Variants in MR1 observed in about 807,000 individuals in gnomAD.
The protein encoded by MR1 is major histocompatibility complex class I-related protein 1.
A neutral mutation model predicts 37.8 loss-of-function variants in MR1; 44 were observed. The ratio of observed to expected loss-of-function variants is 1.16; its 90% confidence interval spans 0.91 to 1.50. MR1 has a LOEUF of 1.50. Among genes scored for constraint, MR1 ranks in the 40% most tolerant of loss-of-function variants. MR1 has a pLI of 0.00. For missense variants in MR1, 386 were observed against 419.1 expected (o/e 0.92, Z 0.69); for synonymous variants, 153 against 155.8 (o/e 0.98, Z 0.13).
Position 181,055,572 on chromosome 1 carries a change from T to A in MR1, c.*307T>A. Reference sequence around the variant, plus strand: ...TTGTCAATGATGATTTGCAACTAGTTGGAGATTCTCAGAGCAGGAAGGAAT... The same window carrying A: ...TTGTCAATGATGATTTGCAACTAGTAGGAGATTCTCAGAGCAGGAAGGAAT... On this transcript the variant is annotated 3_prime_UTR_variant, in exon 6 of 6. Coordinates refer to ENST00000367580, the MANE Select transcript of MR1 (RefSeq NM_001385161.1). The A allele has an allele frequency of 2.5e-6, 1 of 397,038 alleles. No individual in the cohort carries two copies. Among genetic ancestry groups the A allele is most frequent in the Non-Finnish European group, 4.5e-6 (1 of 224,378 alleles). The allele number at this position is 397,038 out of a possible 1,614,324, so 24.6% of individuals were successfully genotyped here. A position where few individuals can be genotyped will look rare whatever the true frequency, so the allele number is the denominator to read the frequency against.
In MR1 at chr1:181,050,109, A is replaced by G. The variant is rs374009364; in HGVS notation, c.427A>G (p.Ile143Val). ...TGCATATGACGGGCAGGATTTCCTGATCTTCAATAAAGACACCCTCTCCTG... is the reference window on the plus strand; with the variant it reads ...TGCATATGACGGGCAGGATTTCCTGGTCTTCAATAAAGACACCCTCTCCTG... Reference protein sequence around the residue: ...QYAYDGQDFLIFNKDTLSWLA... With the variant: ...QYAYDGQDFLVFNKDTLSWLA... The change falls in exon 3 of 6, where the codon ATC (isoleucine) becomes GTC (valine). Residue 143 changes from isoleucine (I) to valine (V), a missense_variant. By Grantham distance (29) the Ile-to-Val change is conservative. Coordinates refer to ENST00000367580, the MANE Select transcript of MR1 (RefSeq NM_001385161.1). The G allele has an allele frequency of 2.0e-5, 32 of 1,614,224 alleles. No homozygotes were observed. Among genetic ancestry groups the G allele is most frequent in the Non-Finnish European group, 2.7e-5 (32 of 1,180,046 alleles).
Position 181,061,342 on chromosome 1 carries a change from T to G in MR1, c.*6077T>G, listed in dbSNP as rs1277037052. On this transcript the variant is annotated 3_prime_UTR_variant, in exon 6 of 6. Transcript: ENST00000367580. ...GCCAGCCCAGGCCAGGTCACCCGGCTTGGCCAGCAGAACACAGAGTAGATT... is the reference window on the plus strand; with the variant it reads ...GCCAGCCCAGGCCAGGTCACCCGGCGTGGCCAGCAGAACACAGAGTAGATT... The G allele has an allele frequency of 6.6e-6, 1 of 152,242 alleles. No homozygotes were observed. The highest frequency in any genetic ancestry group is 2.4e-5 in the African/African-American group (1 of 41,464). 9.4% of individuals were successfully genotyped at this position (152,242 alleles called of 1,614,324 possible).
At chr1:181,039,281 A>C (rs1299431600) in intron 1 of MR1, among the ~76,000 whole-genome samples, 2 of 152,214 alleles carry the variant, frequency 1.3e-5, no homozygotes, top group African/African-American at 4.8e-5. Flanking sequence ...GCTGCCCTTT[A>C]TGCCTCATTG....
At position 181,055,764 on chromosome 1, in the gene MR1, C is replaced by T. The variant is rs1658579751; in HGVS notation, c.*499C>T. On this transcript the variant is annotated 3_prime_UTR_variant, in exon 6 of 6. Coordinates refer to ENST00000367580, the MANE Select transcript of MR1 (RefSeq NM_001385161.1). ...CAAGCGCTTTGAATATCATGGGCACCATGACTGTGACCCTACAGGTAGGAT... is the reference window on the plus strand; with the variant it reads ...CAAGCGCTTTGAATATCATGGGCACTATGACTGTGACCCTACAGGTAGGAT... 1 of 161,180 alleles carries T rather than the reference C, an allele frequency of 6.2e-6. No homozygotes were observed. Among genetic ancestry groups the T allele is most frequent in the Admixed American group, 5.9e-5 (1 of 17,000 alleles). The allele number at this position is 161,180 out of a possible 1,614,324, so 10.0% of individuals were successfully genotyped here.
In MR1 at chr1:181,053,720, C is replaced by G. The variant is rs775783960; in HGVS notation, c.985+43C>G. 1.1e-5 allele frequency: 15 copies of G among 1,347,946 alleles called. 1 individual carries two copies. In the South Asian group the frequency reaches 1.7e-4, roughly 15 times the overall value. The allele number at this position is 1,347,946 out of a possible 1,614,324, so 83.5% of individuals were successfully genotyped here. On this transcript the variant is annotated intron_variant, in intron 5 of 5. Transcript: ENST00000367580. ...GGGATCCAGGGGGCTGCAGACTCTCCTGCATCTCTCCAGTTTTATTTTCTG... is the reference window on the plus strand; with the variant it reads ...GGGATCCAGGGGGCTGCAGACTCTCGTGCATCTCTCCAGTTTTATTTTCTG...
intron 1 of MR1, among the ~76,000 whole-genome samples, chr1:181,048,716 G>T (rs1260907070): frequency 6.6e-6 from 1 of 152,112 alleles, no homozygotes; most frequent in Non-Finnish European, 1.5e-5. Flanking sequence ...CGCAGGGACA[G>T]CTCCCCCTGT....
chr1:181,047,054 C>T (rs1657922592), intron 1 of MR1, among the ~76,000 whole-genome samples: 1 of 152,142 alleles, frequency 6.6e-6, no homozygotes. Flanking sequence ...CACCAAGAAC[C>T]CACCAATTGC....
chr1:181,042,531 G>A (rs1361491252), intron 1 of MR1, among the ~76,000 whole-genome samples: 1 of 148,538 alleles, frequency 6.7e-6, no homozygotes, highest in Non-Finnish European at 1.5e-5. Context: ...GCCAGGTGCG[G>A]TGGCTCACGC....
At chr1:181,054,403 A>T (rs1229845909) in intron 5 of MR1, among the ~76,000 whole-genome samples, 1 of 152,204 alleles carries the variant, frequency 6.6e-6, no homozygotes, top group Non-Finnish European at 1.5e-5. Flanking sequence ...GCTCAAATTG[A>T]TCACAGGATA....
intron 2 of MR1, 181 bp downstream of exon 2, chr1:181,049,493 C>T (rs2102393521): frequency 1.4e-6 from 1 of 699,458 alleles, no homozygotes; most frequent in Non-Finnish European, 2.3e-6. Context: ...GACTGTCCCT[C>T]TCTCCCCCAG....
Position 181,035,592 on chromosome 1 carries a change from A to G in MR1, c.67+1518A>G, listed in dbSNP as rs146777935. Among the ~76,000 whole-genome samples the G allele has an allele frequency of 7.0e-3, 1,066 of 152,302 alleles. 17 individuals carry two copies. Among genetic ancestry groups the G allele is most frequent in the African/African-American group, 0.024 (1,016 of 41,564 alleles). ...AAAGCTTATATATTACCTGCATGTG[A>G]TTCTCAAAGAACTCTCCAATAATAT... On this transcript the variant is annotated intron_variant, in intron 1 of 5. Coordinates refer to ENST00000367580, the MANE Select transcript of MR1 (RefSeq NM_001385161.1).
chr1:181,048,820 T>C lies in MR1; in HGVS notation c.68-232T>C, dbSNP rs183303240. On this transcript the variant is annotated intron_variant, in intron 1 of 5. Coordinates refer to ENST00000367580, the MANE Select transcript of MR1 (RefSeq NM_001385161.1). ...TGAGATTACCTATAAAATTCCATCC[T>C]GCATTTGCAAACCTGAACGAGAAAG... Among the ~76,000 whole-genome samples, 28 of 152,348 alleles carry C rather than the reference T, an allele frequency of 1.8e-4. No homozygotes were observed. In the East Asian group the frequency reaches 5.4e-3, roughly 29 times the overall value.
intron 1 of MR1, among the ~76,000 whole-genome samples, chr1:181,037,498 G>C (rs184160317): frequency 7.1e-4 from 108 of 152,160 alleles, no homozygotes; most frequent in African/African-American, 2.5e-3. Context: ...TTTTTCTTTT[G>C]ACTAGTTGAA....
At chr1:181,043,336 T>C (rs10159443) in intron 1 of MR1, among the ~76,000 whole-genome samples, 45,067 of 152,062 alleles carry the variant, frequency 0.3, 7,652 homozygotes, top group African/African-American at 0.47. Context: ...ATAACACCTG[T>C]GAGGGAGGAG....
chr1:181,056,150 G>C lies in MR1; in HGVS notation c.*885G>C, dbSNP rs1217602490. ...AGCAGCCAAGGCGGGCGGATCACGA[G>C]GTCAGGAGATTAAGACCATCCTGGC... On this transcript the variant is annotated 3_prime_UTR_variant, in exon 6 of 6. Coordinates refer to ENST00000367580, the MANE Select transcript of MR1 (RefSeq NM_001385161.1). 6.6e-6 allele frequency: 1 copy of C among 152,092 alleles called. No homozygotes were observed. The highest frequency in any genetic ancestry group is 1.5e-5 in the Non-Finnish European group (1 of 68,060). The allele number at this position is 152,092 out of a possible 1,614,324, so 9.4% of individuals were successfully genotyped here. A position where few individuals can be genotyped will look rare whatever the true frequency, so the allele number is the denominator to read the frequency against.
At chr1:181,050,403 A>G (rs1658244894) in intron 3 of MR1, 117 bp downstream of exon 3, 10 of 1,333,970 alleles carry the variant, frequency 7.5e-6, no homozygotes, top group Non-Finnish European at 1.0e-5. Flanking sequence ...TAGTTGGCCT[A>G]TTGTGATCTC....
At chr1:181,049,623 G>A (rs1184611069) in intron 2 of MR1, 19 of 494,606 alleles carry the variant, frequency 3.8e-5, no homozygotes, top group South Asian at 1.9e-4. Flanking sequence ...CCCATTCTGC[G>A]TCTCACTTCC....
In MR1 at chr1:181,050,169, C is replaced by A. The variant is rs761425250; in HGVS notation, c.487C>A (p.Gln163Lys). The stretch of plus-strand genomic sequence containing the variant: ...AGATAATGTGGCTCACACCATCAAG[C>A]AGGCATGGGAGGCCAATCAGCATGA... ...AVDNVAHTIK[Q>K]AWEANQHELL... Residue 163 changes from glutamine (Q) to lysine (K), a missense_variant, in exon 3 of 6, where the codon CAG (glutamine) becomes AAG (lysine). Coordinates refer to ENST00000367580, the MANE Select transcript of MR1 (RefSeq NM_001385161.1). 5 of 1,614,116 alleles carry A rather than the reference C, an allele frequency of 3.1e-6. No individual in the cohort carries two copies. In the African/African-American group the frequency reaches 4.0e-5, roughly 13 times the overall value.
chr1:181,050,138 G>A lies in MR1; in HGVS notation c.456G>A (p.Leu152=). 1 of 1,614,244 alleles carries A rather than the reference G, an allele frequency of 6.2e-7. No homozygotes were observed. Among genetic ancestry groups the A allele is most frequent in the Non-Finnish European group, 8.5e-7 (1 of 1,180,044 alleles). ...LIFNKDTLSW[L]AVDNVAHTIK... ...TCAATAAAGACACCCTCTCCTGGCTGGCTGTAGATAATGTGGCTCACACCA... is the reference window on the plus strand; with the variant it reads ...TCAATAAAGACACCCTCTCCTGGCTAGCTGTAGATAATGTGGCTCACACCA... Residue 152 remains leucine (L), a synonymous_variant, in exon 3 of 6, where the codon CTG becomes CTA. Transcript: ENST00000367580.
Sources: gnomAD v4.1 joint callset for allele counts (sites outside exome capture counted in the v4.1 genomes callset) on GRCh38, gnomAD v4.1.1 for gene constraint, MANE v1.5 for transcripts, NCBI Gene and HGNC (gene_info 2026-07-23, HGNC 2026-07-21) for gene names.